The following YBX3 variants were observed in gnomAD, a reference collection of about 807,000 sequenced individuals.
YBX3 encodes Y-box binding protein 3.
Under a neutral mutation model 42.4 loss-of-function variants are expected in YBX3, and 29 were observed. That is an observed-to-expected ratio of 0.68 (90% CI 0.51 to 0.93). The LOEUF (loss-of-function observed/expected upper bound fraction) is 0.93. Ranked by LOEUF, YBX3 falls within the 40% of genes least tolerant of loss-of-function variation. The pLI, the probability that YBX3 is intolerant of heterozygous loss-of-function variation, is 0.00. For synonymous variants in YBX3, 195 were observed against 189.8 expected, an observed-to-expected ratio of 1.03 and a Z score of -0.22; for missense variants, 517 against 527.5, an observed-to-expected ratio of 0.98 and a Z score of 0.19.
At chr12:10,717,530 C>T (rs1307905230) in intron 3 of YBX3, among the ~76,000 whole-genome samples, 1 of 152,192 alleles carries the variant, frequency 6.6e-6, no homozygotes, top group East Asian at 1.9e-4. Context: ...CCCATTTCCT[C>T]TATTTCCTGC....
In YBX3 at chr12:10,723,079, G is replaced by A; in HGVS notation, c.33C>T (p.Thr11=). 1 of 1,207,904 alleles carries A rather than the reference G, an allele frequency of 8.3e-7. No homozygotes were observed. Among genetic ancestry groups the A allele is most frequent in the Non-Finnish European group, 1.0e-6 (1 of 973,838 alleles). 74.8% of individuals were successfully genotyped at this position (1,207,904 alleles called of 1,614,324 possible). The part of the protein sequence containing the change: MSEAGEATTT[T]TTTLPQAPTE... ...TCGGAGCCTGCGGGAGGGTGGTGGT[G>A]GTGGTGGTGGTGGCCTCGCCCGCCT... The change falls in exon 1 of 10, where the codon ACC becomes ACT. Residue 11 remains threonine (T), a synonymous_variant. Coordinates refer to ENST00000228251, the MANE Select transcript of YBX3 (RefSeq NM_003651.5).
At chr12:10,701,399 G>GATGAACT (rs1489661063) in intron 8 of YBX3, 46 bp from the exon 9 acceptor site, 1 of 778,128 alleles carries the variant, frequency 1.3e-6, no homozygotes, top group South Asian at 1.4e-5. Flanking sequence ...TCAGATGACA[G>GATGAACT]TGGAAAGTTC....
At chr12:10,705,883 G>C (rs1377724616) in intron 6 of YBX3, among the ~76,000 whole-genome samples, 1 of 151,950 alleles carries the variant, frequency 6.6e-6, no homozygotes, top group Non-Finnish European at 1.5e-5. Flanking sequence ...CATTCTTTGA[G>C]TACTTCTTCG....
intron 5 of YBX3, chr12:10,710,580 A>T (rs1201773021): frequency 1.6e-6 from 2 of 1,253,742 alleles, no homozygotes; most frequent in Non-Finnish European, 2.1e-6. Context: ...TAAAGTGTGG[A>T]TGGGATTTCT....
At chr12:10,712,185 C>A in intron 5 of YBX3, 1 of 152,210 alleles carries the variant, frequency 6.6e-6, no homozygotes, top group South Asian at 2.1e-4. Flanking sequence ...ATATTTAATT[C>A]TGATGAGTTT....
rs544364720 is a variant in YBX3 at position 10,718,479 on chromosome 12, C to T, written c.327-358G>A. The T allele has an allele frequency of 1.4e-4, 29 of 200,418 alleles. No individual in the cohort carries two copies. The Admixed American group carries it at 1.7e-3, about 12-fold the overall frequency. 12.4% of individuals were successfully genotyped at this position (200,418 alleles called of 1,614,324 possible). ...TAAAAGGACAGGGCACAGCTGTGAA[C>T]TAGGCTCTCCTTACACTGAAACTTA... On this transcript the variant is annotated intron_variant, in intron 2 of 9. Coordinates refer to ENST00000228251, the MANE Select transcript of YBX3 (RefSeq NM_003651.5).
At chr12:10,712,823 T>G (rs544645002) in intron 5 of YBX3, 2 of 160,510 alleles carry the variant, frequency 1.2e-5, no homozygotes, top group African/African-American at 2.4e-5. Context: ...TGTCTATTAC[T>G]TGTAGCCAAA....
chr12:10,701,840 C>T, intron 8 of YBX3, 120 bp downstream of exon 8: 2 of 1,218,106 alleles, frequency 1.6e-6, no homozygotes, highest in Non-Finnish European at 1.1e-6. Flanking sequence ...GGATCTTGAG[C>T]AAAATGTTTT....
intron 3 of YBX3, chr12:10,716,072 C>A (rs75134414): frequency 8.4e-6 from 3 of 356,906 alleles, no homozygotes; most frequent in African/African-American, 4.3e-5. Context: ...CTGTTACAGG[C>A]TGATCACCTG....
intron 7 of YBX3, chr12:10,703,686 C>G: frequency 3.1e-6 from 1 of 324,146 alleles, no homozygotes; most frequent in South Asian, 2.6e-5. Context: ...TACTGGACTG[C>G]CTCAGTGATT....
At chr12:10,718,409 T>C in intron 2 of YBX3, 1 of 304,488 alleles carries the variant, frequency 3.3e-6, no homozygotes, top group Non-Finnish European at 6.1e-6. Flanking sequence ...TGGTGTGTAA[T>C]CAGAGCCTCA....
rs764791914 is a variant in YBX3, at chr12:10,704,110, C to CT, written c.818dup (p.Ala275SerfsTer19). 2 of 1,614,216 alleles carry CT rather than the reference C, an allele frequency of 1.2e-6. No homozygotes were observed. Among genetic ancestry groups the CT allele is most frequent in the Non-Finnish European group, 1.7e-6 (2 of 1,180,038 alleles). On this transcript the variant is annotated frameshift_variant, in exon 7 of 10. Coordinates refer to ENST00000228251, the MANE Select transcript of YBX3 (RefSeq NM_003651.5). LOFTEE classifies it high-confidence loss of function. ...GAACCGGTCCCTGAAGTTGTGCTCC[C>CT]TCTGGGACTCCATCCTTCATCTCTC...
chr12:10,717,151 A>G (rs1948272112), intron 3 of YBX3, among the ~76,000 whole-genome samples: 1 of 152,224 alleles, frequency 6.6e-6, no homozygotes, highest in Non-Finnish European at 1.5e-5. Flanking sequence ...AGAAATATAA[A>G]CAATAGAAAC....
chr12:10,718,105 C>G lies in YBX3; in HGVS notation c.343G>C (p.Asp115His). 1 of 1,612,072 alleles carries G rather than the reference C, an allele frequency of 6.2e-7. No individual in the cohort carries two copies. The highest frequency in any genetic ancestry group is 8.5e-7 in the Non-Finnish European group (1 of 1,179,102). The change falls in exon 3 of 10, where the codon GAT becomes CAT. Residue 115 changes from aspartate to histidine, a missense_variant. Transcript: ENST00000228251. ...GFINRNDTKEDVFVHQTAIKK... is the reference protein window; with the variant it reads ...GFINRNDTKEHVFVHQTAIKK... ...CCTCTTACCTGATGTACAAATACAT[C>G]TTCTTTGGTGTCATTTCTGTTGAAA...
At chr12:10,703,970 C>G (rs1948109281) in intron 7 of YBX3, 81 bp downstream of exon 7, 2 of 1,367,566 alleles carry the variant, frequency 1.5e-6, no homozygotes, top group African/African-American at 1.4e-5. Context: ...AATAAATCCA[C>G]AAAACGGAAC....
intron 4 of YBX3, among the ~76,000 whole-genome samples, chr12:10,714,014 T>C (rs377446523): frequency 6.6e-4 from 101 of 152,298 alleles, no homozygotes; most frequent in African/African-American, 2.4e-3. Context: ...CATCACTTTG[T>C]AAAACCCTGA....
intron 1 of YBX3, chr12:10,722,505 T>C: frequency 5.6e-6 from 1 of 179,204 alleles, no homozygotes; most frequent in South Asian, 2.0e-4. Flanking sequence ...AGACTGCCTC[T>C]CCTTTCTTCT....
rs765562935 is a variant in YBX3, at chr12:10,713,255, A to T, written c.529T>A (p.Tyr177Asn). ...CGCCTTCCATAGTAGCCACGTCTGT[A>T]ACGGCGCCGATCTGCAGCGTAACGA... ...GSRYAADRRR[Y>N]RRGYYGRRRG... Residue 177 changes from tyrosine (Y) to asparagine (N), a missense_variant, in exon 5 of 10, where the codon TAC becomes AAC. Physicochemically the swap from Tyr to Asn is moderately radical, Grantham distance 143. This residue lies in a region of YBX3 where 420 missense variants were observed against 408.5 expected (regional missense o/e 1.03). Coordinates refer to ENST00000228251, the MANE Select transcript of YBX3 (RefSeq NM_003651.5). The T allele has an allele frequency of 3.7e-6, 6 of 1,614,082 alleles. No individual in the cohort carries two copies. The East Asian group carries it at 1.1e-4, about 30-fold the overall frequency.
chr12:10,716,259 C>A, intron 3 of YBX3: 1 of 162,630 alleles, frequency 6.1e-6, no homozygotes, highest in Non-Finnish European at 1.3e-5. Context: ...AATAATCTGG[C>A]CTCCCCCCTC....
Sources: allele counts gnomAD v4.1 joint callset (sites outside exome capture counted in the v4.1 genomes callset), GRCh38; gene constraint gnomAD v4.1.1; regional missense constraint gnomAD v4.1.1; transcripts MANE v1.5; gene names NCBI Gene and HGNC (gene_info 2026-07-23, HGNC 2026-07-21).